The following SVOPL variants were observed in gnomAD, a reference collection of about 807,000 sequenced individuals.
SVOPL encodes the protein putative transporter SVOPL.
A neutral mutation model predicts 61.0 loss-of-function variants in SVOPL; 60 were observed. The ratio of observed to expected loss-of-function variants is 0.98; its 90% CI spans 0.80 to 1.22. The LOEUF is 1.22. SVOPL is among the 50% of genes most tolerant of loss of function. The pLI, the probability that SVOPL is intolerant of heterozygous loss-of-function variation, is 0.00. For missense variants in SVOPL, 662 were observed against 643.9 expected, an observed-to-expected ratio of 1.03 and a Z score of -0.30; for synonymous variants, 279 against 250.0, an observed-to-expected ratio of 1.12 and a Z score of -1.09.
intron 1 of SVOPL, among the ~76,000 whole-genome samples, chr7:138,685,656 T>C (rs1301335645): frequency 6.6e-6 from 1 of 152,072 alleles, no homozygotes; most frequent in Non-Finnish European, 1.5e-5. Context: ...TCCCAGGAAT[T>C]TGAGACCAGC....
At position 138,627,364 on chromosome 7, in the gene SVOPL, G is replaced by C. The variant is rs1214442197; in HGVS notation, c.1167C>G (p.Asn389Lys). Reference protein sequence around the residue: ...GCTALFFLLLNICTSSAGLIG... With the variant: ...GCTALFFLLLKICTSSAGLIG... ...ACAGAAAATACCTTGAAGTGCAAAT[G>C]TTGAGGAGAAGGAAGAATAAAGCCG... Residue 389 changes from asparagine (N) to lysine (K), a missense_variant, in exon 12 of 16, where the codon AAC becomes AAG. By Grantham distance (94) the Asn-to-Lys change is moderately conservative. Coordinates refer to ENST00000674285, the MANE Select transcript of SVOPL (RefSeq NM_001139456.2). 1 of 1,613,014 alleles carries C rather than the reference G, an allele frequency of 6.2e-7. No individual in the cohort carries two copies. The highest frequency in any genetic ancestry group is 1.1e-5 in the South Asian group (1 of 91,066).
intron 1 of SVOPL, among the ~76,000 whole-genome samples, chr7:138,690,928 A>G (rs1802926000): frequency 1.3e-5 from 2 of 152,088 alleles, no homozygotes; most frequent in African/African-American, 2.4e-5. Context: ...GTCCATCACC[A>G]TGCCCGACTA....
chr7:138,615,473 C>A (rs992331987), intron 14 of SVOPL, among the ~76,000 whole-genome samples: 1 of 147,010 alleles, frequency 6.8e-6, no homozygotes, highest in African/African-American at 2.6e-5. Flanking sequence ...AGGAGAATGG[C>A]GTGAATCAGG....
intron 1 of SVOPL, among the ~76,000 whole-genome samples, chr7:138,693,640 AG>A (rs1244672680): frequency 6.7e-5 from 10 of 150,364 alleles, no homozygotes; most frequent in Admixed American, 4.0e-4. Context: ...GAAAGAAGGG[AG>A]GGAGGGAAAA....
At position 138,676,908 on chromosome 7, in the gene SVOPL, T is replaced by A. The variant is rs1318348295; in HGVS notation, c.174+1526A>T. Among the ~76,000 whole-genome samples, 694 of 132,628 alleles carry A rather than the reference T, an allele frequency of 5.2e-3. 14 individuals carry two copies. The highest frequency in any genetic ancestry group is 0.02 in the African/African-American group (672 of 34,124). The allele number at this position is 132,628 out of a possible 152,430, so 87.0% of individuals were successfully genotyped here. A position where few individuals can be genotyped will look rare whatever the true frequency, so the allele number is the denominator to read the frequency against. On this transcript the variant is annotated intron_variant, in intron 3 of 15. Coordinates refer to ENST00000674285, the MANE Select transcript of SVOPL (RefSeq NM_001139456.2). ...CCACCTCTTGGGGTTCCTTTTTTTT[T>A]TTTTTTTTTTTTTGAGATGAAGTCT... is the stretch of plus-strand genomic sequence containing the variant.
At chr7:138,656,406 C>T in intron 7 of SVOPL, 42 bp downstream of exon 7, 1 of 1,594,016 alleles carries the variant, frequency 6.3e-7, no homozygotes, top group Non-Finnish European at 8.6e-7. Context: ...CATCTTATCC[C>T]ATAGGATGCC....
chr7:138,698,424 T>C (rs574806717), intron 1 of SVOPL, among the ~76,000 whole-genome samples: 5 of 152,080 alleles, frequency 3.3e-5, no homozygotes, highest in Non-Finnish European at 7.4e-5. Context: ...ACCCCCTCGC[T>C]AGACTAGAGG....
chr7:138,599,941 A>G (rs1055201633), intron 14 of SVOPL, among the ~76,000 whole-genome samples: 1 of 152,088 alleles, frequency 6.6e-6, no homozygotes, highest in African/African-American at 2.4e-5. Flanking sequence ...TGTAACACTG[A>G]AAGCCTCTGA....
intron 6 of SVOPL, among the ~76,000 whole-genome samples, chr7:138,658,287 C>T (rs907097038): frequency 6.6e-6 from 1 of 151,970 alleles, no homozygotes; most frequent in Admixed American, 6.6e-5. Flanking sequence ...TGACATATTC[C>T]CCCCCCTCCC....
intron 6 of SVOPL, among the ~76,000 whole-genome samples, chr7:138,657,679 T>G (rs1563124751): frequency 1.3e-5 from 2 of 152,210 alleles, no homozygotes; most frequent in African/African-American, 4.8e-5. Flanking sequence ...TCCTGGGGAA[T>G]GTTTTATATT....
intron 9 of SVOPL, among the ~76,000 whole-genome samples, chr7:138,641,292 C>T (rs1800771703): frequency 6.6e-6 from 1 of 150,548 alleles, no homozygotes; most frequent in South Asian, 2.1e-4. Context: ...AATGTAAGGT[C>T]CAAAGCCATA....
rs199915516 is a variant in SVOPL at position 138,661,871 on chromosome 7, CT to C, written c.345+1202del. 9.3e-3 allele frequency: 9,204 copies of C among 985,334 alleles called. 408 individuals are homozygous for C. In the East Asian group the frequency reaches 0.22, roughly 24 times the overall value. The allele number at this position is 985,334 out of a possible 1,614,324, so 61.0% of individuals were successfully genotyped here. A position where few individuals can be genotyped will look rare whatever the true frequency, so the allele number is the denominator to read the frequency against. On this transcript the variant is annotated intron_variant, in intron 5 of 15. Transcript: ENST00000674285. The stretch of plus-strand genomic sequence containing the variant: ...AACTCCCTACTTATATTAATTTCGT[CT>C]CTGTTTCTTCCTTTAGGTCAATATT...
intron 1 of SVOPL, among the ~76,000 whole-genome samples, chr7:138,682,543 A>G (rs1452480806): frequency 1.3e-5 from 2 of 152,242 alleles, no homozygotes; most frequent in Non-Finnish European, 2.9e-5. Context: ...CAGTTTCTTC[A>G]TTAAATAAAT....
chr7:138,699,883 G>A (rs1224622066), intron 1 of SVOPL, among the ~76,000 whole-genome samples: 1 of 152,172 alleles, frequency 6.6e-6, no homozygotes, highest in Non-Finnish European at 1.5e-5. Flanking sequence ...GGCCGGGTGG[G>A]TCCCCGGTGT....
intron 14 of SVOPL, among the ~76,000 whole-genome samples, chr7:138,617,963 A>G (rs1799372914): frequency 1.3e-5 from 2 of 152,160 alleles, no homozygotes; most frequent in Non-Finnish European, 2.9e-5. Context: ...TTTGAGAACT[A>G]CCTTTCAGGA....
chr7:138,698,860 G>A (rs1584875197), intron 1 of SVOPL, among the ~76,000 whole-genome samples: 2 of 152,074 alleles, frequency 1.3e-5, no homozygotes, highest in Admixed American at 6.6e-5. Context: ...ATGTTTTAAC[G>A]TATGTACAGG....
Position 138,628,380 on chromosome 7 carries a change from A to AAAGTC in SVOPL, c.864-22_864-18dup. ...ATTCCAAGCCTGGAAGAGAGAAAAC[A>AAAGTC]AAGTCACTAGCCAACGCTGACACCA... is the stretch of plus-strand genomic sequence containing the variant. On this transcript the variant is annotated splice_polypyrimidine_tract_variant and intron_variant, in intron 10 of 15. Transcript: ENST00000674285. The AAAGTC allele has an allele frequency of 6.2e-7, 1 of 1,612,772 alleles. No individual in the cohort carries two copies. The highest frequency in any genetic ancestry group is 8.5e-7 in the Non-Finnish European group (1 of 1,179,720).
chr7:138,649,268 G>C lies in SVOPL; in HGVS notation c.535-131C>G, dbSNP rs1035693208. 4.1e-6 allele frequency: 5 copies of C among 1,231,350 alleles called. No homozygotes were observed. The African/African-American group carries it at 7.7e-5, about 19-fold the overall frequency. 76.3% of individuals were successfully genotyped at this position (1,231,350 alleles called of 1,614,324 possible). On this transcript the variant is annotated intron_variant, in intron 7 of 15. Transcript: ENST00000674285. ...CATGTGCTTCACATATCTTCTTTTG[G>C]GAGCCACTTTGTCCAGCATTTTGCC... is the stretch of plus-strand genomic sequence containing the variant.
intron 8 of SVOPL, among the ~76,000 whole-genome samples, chr7:138,645,941 G>C (rs1252734776): frequency 6.6e-6 from 1 of 152,048 alleles, no homozygotes; most frequent in Non-Finnish European, 1.5e-5. Context: ...TCAGCCTCCT[G>C]AGTAGTTGGG....
Sources: gnomAD v4.1 joint callset for allele counts (sites outside exome capture counted in the v4.1 genomes callset) on GRCh38, gnomAD v4.1.1 for gene constraint, MANE v1.5 for transcripts, NCBI Gene and HGNC (gene_info 2026-07-23, HGNC 2026-07-21) for gene names.